PPARGC1A: variants seen among roughly 807,000 people sequenced by gnomAD.
PPARGC1A encodes the protein peroxisome proliferator-activated receptor gamma coactivator 1-alpha.
PPARGC1A carries 25 observed loss-of-function variants against 88.7 expected under a neutral mutation model. The observed-to-expected ratio is 0.28, with a 90% CI of 0.21 to 0.39. The LOEUF (loss-of-function observed/expected upper bound fraction) is 0.39, where lower values mean the gene tolerates loss of function less well. PPARGC1A is among the 10% of genes least tolerant of loss of function. The pLI is 1.00. For missense variants in PPARGC1A, 880 were observed against 968.7 expected, an observed-to-expected ratio of 0.91 and a Z score of 1.22; for synonymous variants, 363 against 355.6, an observed-to-expected ratio of 1.02 and a Z score of -0.24.
chr4:24,164,975 C>T, the PPARGC1A span, among the ~76,000 whole-genome samples: 49 of 152,040 alleles, frequency 3.2e-4, no homozygotes, highest in African/African-American at 9.9e-4. Context: ...CTGAGGGGGA[C>T]GATTCAAAGT....
At chr4:24,344,602 T>G in the PPARGC1A span, among the ~76,000 whole-genome samples, 14 of 136,552 alleles carry the variant, frequency 1.0e-4, no homozygotes, top group Admixed American at 2.1e-4. Context: ...GGATTGTTTG[T>G]TTTTTTTTTC....
At chr4:24,157,252 G>T in the PPARGC1A span, among the ~76,000 whole-genome samples, 1 of 152,136 alleles carries the variant, frequency 6.6e-6, no homozygotes, top group Non-Finnish European at 1.5e-5. Context: ...GCCATCATGG[G>T]TCAACTGCTC....
chr4:24,177,214 A>T, the PPARGC1A span, among the ~76,000 whole-genome samples: 2 of 152,176 alleles, frequency 1.3e-5, no homozygotes, highest in Non-Finnish European at 2.9e-5. Context: ...CTTGGAACCA[A>T]CCCAAATGTC....
the PPARGC1A span, among the ~76,000 whole-genome samples, chr4:24,093,690 C>A: frequency 2.0e-5 from 3 of 152,182 alleles, no homozygotes; most frequent in Non-Finnish European, 4.4e-5. Flanking sequence ...TTAGTTTTAT[C>A]ATTTGAATTG....
upstream of PPARGC1A, among the ~76,000 whole-genome samples, chr4:23,908,554 A>T (rs1720344464): frequency 6.6e-6 from 1 of 151,766 alleles, no homozygotes; most frequent in Non-Finnish European, 1.5e-5. Context: ...AATTATCCAG[A>T]GAAATATATC....
At chr4:23,816,335 A>T (rs748693122) in intron 7 of PPARGC1A, among the ~76,000 whole-genome samples, 2 of 152,110 alleles carry the variant, frequency 1.3e-5, no homozygotes, top group Non-Finnish European at 2.9e-5. Context: ...TGAATGAAAC[A>T]TCTGTGCCAC....
At chr4:23,835,416 G>A (rs1577446942) in intron 2 of PPARGC1A, among the ~76,000 whole-genome samples, 1 of 151,704 alleles carries the variant, frequency 6.6e-6, no homozygotes, top group East Asian at 1.9e-4. Flanking sequence ...CTCTCTACTG[G>A]AAACACAATG....
the PPARGC1A span, among the ~76,000 whole-genome samples, chr4:24,252,596 A>G: frequency 2.6e-5 from 4 of 152,362 alleles, no homozygotes; most frequent in African/African-American, 9.6e-5. Flanking sequence ...GATGCCCAAT[A>G]TAAAGCACAT....
At chr4:24,135,167 TA>T in the PPARGC1A span, among the ~76,000 whole-genome samples, 1 of 152,086 alleles carries the variant, frequency 6.6e-6, no homozygotes, top group East Asian at 1.9e-4. Flanking sequence ...AAAACTACAA[TA>T]AACCAAAATG....
the PPARGC1A span, among the ~76,000 whole-genome samples, chr4:24,283,968 A>T: frequency 6.6e-6 from 1 of 152,152 alleles, no homozygotes; most frequent in Middle Eastern, 3.4e-3. Context: ...GAAACTGAGG[A>T]TTGGGGAGGC....
the PPARGC1A span, among the ~76,000 whole-genome samples, chr4:24,204,623 C>T: frequency 2.0e-5 from 3 of 151,934 alleles, no homozygotes; most frequent in African/African-American, 4.8e-5. Flanking sequence ...TAAGAACTGG[C>T]GGGGGAGGTG....
the PPARGC1A span, among the ~76,000 whole-genome samples, chr4:24,236,900 G>A: frequency 6.6e-6 from 1 of 152,286 alleles, no homozygotes; most frequent in East Asian, 1.9e-4. Flanking sequence ...ATGAAGAAGC[G>A]GGACTGGAAG....
the PPARGC1A span, among the ~76,000 whole-genome samples, chr4:24,190,194 A>T: frequency 6.6e-6 from 1 of 152,226 alleles, no homozygotes; most frequent in South Asian, 2.1e-4. Flanking sequence ...CCATGGATAC[A>T]ACAGGCCTGT....
chr4:24,457,853 G>T, the PPARGC1A span, among the ~76,000 whole-genome samples: 1 of 152,126 alleles, frequency 6.6e-6, no homozygotes, highest in Non-Finnish European at 1.5e-5. Context: ...GTGAGCCACC[G>T]TGCCTGACCG....
At chr4:24,231,887 G>GA in the PPARGC1A span, among the ~76,000 whole-genome samples, 2 of 152,094 alleles carry the variant, frequency 1.3e-5, no homozygotes, top group Admixed American at 1.3e-4. Flanking sequence ...TTTTCCAGGG[G>GA]AAAAAAGTAA....
chr4:24,437,848 T>C, the PPARGC1A span, among the ~76,000 whole-genome samples: 1 of 151,992 alleles, frequency 6.6e-6, no homozygotes, highest in Non-Finnish European at 1.5e-5. Context: ...GTTTTGGTTT[T>C]GGTTTTTAAG....
At chr4:23,856,300 T>G (rs181485447) in intron 2 of PPARGC1A, among the ~76,000 whole-genome samples, 2 of 152,162 alleles carry the variant, frequency 1.3e-5, no homozygotes, top group East Asian at 3.9e-4. Context: ...TTTTTTGAGG[T>G]GTAGGCCACT....
chr4:24,293,960 T>A, the PPARGC1A span, among the ~76,000 whole-genome samples: 1 of 152,162 alleles, frequency 6.6e-6, no homozygotes, highest in East Asian at 1.9e-4. Flanking sequence ...AATATATAAA[T>A]GCATTGAGTT....
At chr4:24,171,886 C>T in the PPARGC1A span, among the ~76,000 whole-genome samples, 1 of 152,314 alleles carries the variant, frequency 6.6e-6, no homozygotes, top group South Asian at 2.1e-4. Context: ...TTATTTCTTA[C>T]TTAGATACTG....
Sources: allele counts gnomAD v4.1 joint callset (sites outside exome capture counted in the v4.1 genomes callset), GRCh38; gene constraint gnomAD v4.1.1; transcripts MANE v1.5; gene names NCBI Gene and HGNC (gene_info 2026-07-23, HGNC 2026-07-21).